AMMECR1L: variants seen among roughly 807,000 people sequenced by gnomAD.
The protein encoded by AMMECR1L is AMMECR1-like protein.
In AMMECR1L, 4 loss-of-function variants were observed where a neutral mutation model predicts 36.8. That is an observed-to-expected ratio of 0.11 (90% CI 0.05 to 0.25). The LOEUF is 0.25. AMMECR1L is among the 10% of genes least tolerant of loss of function. The probability of loss-of-function intolerance (pLI) is 1.00; values close to 1 mark genes in which losing one functional copy is unlikely to be tolerated. For missense variants in AMMECR1L, 232 were observed against 392.1 expected (o/e 0.59, Z 3.45); for synonymous variants, 147 against 148.0 (o/e 0.99, Z 0.05).
At chr2:127,883,754 T>G (rs566657476) in intron 2 of AMMECR1L, among the ~76,000 whole-genome samples, 2 of 152,372 alleles carry the variant, frequency 1.3e-5, no homozygotes, top group South Asian at 4.1e-4. Context: ...AGAAAATATC[T>G]TCACTATTGC....
At chr2:127,867,839 G>C (rs1021456890) in intron 6 of AMMECR1L, among the ~76,000 whole-genome samples, 2 of 152,180 alleles carry the variant, frequency 1.3e-5, no homozygotes, top group African/African-American at 4.8e-5. Context: ...AGGAAGGGCA[G>C]ACAAGTTGCT....
At chr2:127,879,659 T>C (rs186285202) in intron 2 of AMMECR1L, among the ~76,000 whole-genome samples, 37 of 152,298 alleles carry the variant, frequency 2.4e-4, no homozygotes, top group African/African-American at 7.9e-4. Flanking sequence ...ACAAATTTCA[T>C]CGAAATTTTC....
Position 127,863,747 on chromosome 2 carries a change from A to T in AMMECR1L, c.*1347T>A, listed in dbSNP as rs1690565281. On this transcript the variant is annotated 3_prime_UTR_variant, in exon 8 of 8. Coordinates refer to ENST00000272647, the MANE Select transcript of AMMECR1L (RefSeq NM_001199140.2). ...TGAATCATTTTAGCAGTGCCTTTGT[A>T]ACAATATTTTCAAAGCATCTTCCAA... 2.0e-5 allele frequency: 3 copies of T among 152,676 alleles called. No homozygotes were observed. The highest frequency in any genetic ancestry group is 6.5e-5 in the Admixed American group (1 of 15,286). 9.5% of individuals were successfully genotyped at this position (152,676 alleles called of 1,614,324 possible).
chr2:127,872,688 A>G (rs554479469), intron 3 of AMMECR1L, among the ~76,000 whole-genome samples: 98 of 152,298 alleles, frequency 6.4e-4, no homozygotes, highest in Admixed American at 1.4e-3. Context: ...CCTTCAAGAC[A>G]AGGCCTCCAT....
In AMMECR1L at chr2:127,871,259, T is replaced by A; in HGVS notation, c.508A>T (p.Thr170Ser). 1 of 1,614,138 alleles carries A rather than the reference T, an allele frequency of 6.2e-7. No individual in the cohort carries two copies. Among genetic ancestry groups the A allele is most frequent in the Non-Finnish European group, 8.5e-7 (1 of 1,180,014 alleles). ...GTCTGGTGTCATTACCTGGTTAACG[T>A]GTATTCCCTGAGTCCTGAATGAAGA... is the stretch of plus-strand genomic sequence containing the variant. The part of the protein sequence containing the change: ...MNLHSGLREY[T>S]LTSALKDSRF... The change falls in exon 4 of 8, where the codon ACG becomes TCG. Residue 170 changes from threonine (T) to serine (S), a missense_variant. Transcript: ENST00000272647. This position sits in a 1 kb window ranked among gnomAD's most constrained non-coding sequence, Gnocchi z 4.3.
intron 2 of AMMECR1L, among the ~76,000 whole-genome samples, chr2:127,879,223 G>T (rs1484871819): frequency 6.6e-6 from 1 of 152,192 alleles, no homozygotes; most frequent in Non-Finnish European, 1.5e-5. Context: ...TTAGCTGTGG[G>T]GCCTGGTGGG....
chr2:127,869,329 G>A lies in AMMECR1L; in HGVS notation c.724+125C>T. 1.1e-6 allele frequency: 1 copy of A among 883,140 alleles called. No individual in the cohort carries two copies. The highest frequency in any genetic ancestry group is 1.8e-6 in the Non-Finnish European group (1 of 548,674). 54.7% of individuals were successfully genotyped at this position (883,140 alleles called of 1,614,324 possible). On this transcript the variant is annotated intron_variant, in intron 6 of 7. Transcript: ENST00000272647. This position sits in a 1 kb window ranked among gnomAD's most constrained non-coding sequence, Gnocchi z 4.7. ...TCTATAGGAATTTGACAGGTATTAA[G>A]AGGCAGAAAGGCCCTCATTCTCAGC...
intron 6 of AMMECR1L, 134 bp from the exon 7 acceptor site, chr2:127,867,130 C>G: frequency 6.7e-7 from 1 of 1,489,712 alleles, no homozygotes; most frequent in Non-Finnish European, 8.9e-7. Context: ...GCCCTGGGCA[C>G]TGACCCCCAC....
At position 127,885,902 on chromosome 2, in the gene AMMECR1L, G is replaced by A. The variant is rs1434812078; in HGVS notation, c.-241C>T. 1 of 986,278 alleles carries A rather than the reference G, an allele frequency of 1.0e-6. No individual in the cohort carries two copies. The highest frequency in any genetic ancestry group is 6.2e-5 in the Admixed American group (1 of 16,226). 61.1% of individuals were successfully genotyped at this position (986,278 alleles called of 1,614,324 possible). ...TCATGGAGCCATGCGCCTGGGTGGG[G>A]GCTCCCGAGAGAAGCTGGCCTGCGG... On this transcript the variant is annotated 5_prime_UTR_variant, in exon 1 of 8. Transcript: ENST00000272647.
At position 127,873,006 on chromosome 2, in the gene AMMECR1L, A is replaced by G; in HGVS notation, c.407+822T>C. On this transcript the variant is annotated intron_variant, in intron 3 of 7. Transcript: ENST00000272647. This position sits in a 1 kb window ranked among gnomAD's most constrained non-coding sequence, Gnocchi z 5.2. ...CCAACCTGACAGGCCTCCCAAGGGA[A>G]GAGGCTCCTTTTCTTCACACCCTCT... The G allele has an allele frequency of 7.1e-6, 7 of 985,390 alleles. No individual in the cohort carries two copies. Among genetic ancestry groups the G allele is most frequent in the Non-Finnish European group, 7.2e-6 (6 of 829,920 alleles). The allele number at this position is 985,390 out of a possible 1,614,324, so 61.0% of individuals were successfully genotyped here. A position where few individuals can be genotyped will look rare whatever the true frequency, so the allele number is the denominator to read the frequency against.
chr2:127,871,772 C>T lies in AMMECR1L; in HGVS notation c.408-413G>A, dbSNP rs1178964300. On this transcript the variant is annotated intron_variant, in intron 3 of 7. Transcript: ENST00000272647. The surrounding 1 kb of genome is among the most constrained non-coding windows in gnomAD (Gnocchi z 4.3). ...ATGACACGCCTCACCTGCACAGCCC[C>T]GTTCATCTGCAAACCCATGTTGCTT... is the stretch of plus-strand genomic sequence containing the variant. Among the ~76,000 whole-genome samples, 2 of 152,164 alleles carry T rather than the reference C, an allele frequency of 1.3e-5. No homozygotes were observed. Among genetic ancestry groups the T allele is most frequent in the African/African-American group, 2.4e-5 (1 of 41,428 alleles).
At chr2:127,881,485 AG>A (rs1217095893) in intron 2 of AMMECR1L, among the ~76,000 whole-genome samples, 4 of 152,066 alleles carry the variant, frequency 2.6e-5, no homozygotes, top group Non-Finnish European at 4.4e-5. Context: ...GACAGAACCT[AG>A]ATTTTGAGGT....
At chr2:127,868,281 A>C (rs1483533742) in intron 6 of AMMECR1L, among the ~76,000 whole-genome samples, 1 of 152,254 alleles carries the variant, frequency 6.6e-6, no homozygotes, top group Non-Finnish European at 1.5e-5. Context: ...TTCAAATGGC[A>C]AAAGTAATTT....
chr2:127,870,034 T>C (rs1690886920), intron 5 of AMMECR1L, among the ~76,000 whole-genome samples: 1 of 152,140 alleles, frequency 6.6e-6, no homozygotes, highest in Non-Finnish European at 1.5e-5. Context: ...AAAATACAAA[T>C]GGCTGGGCAT....
Position 127,873,747 on chromosome 2 carries a change from G to A in AMMECR1L, c.407+81C>T, listed in dbSNP as rs1691099611. Reference sequence around the variant, plus strand: ...CTCAAATGATAATAAAGACTTCCAAGTAGCAGACCCTCTCAAGAGAATCAC... The same window carrying A: ...CTCAAATGATAATAAAGACTTCCAAATAGCAGACCCTCTCAAGAGAATCAC... On this transcript the variant is annotated intron_variant, in intron 3 of 7. Transcript: ENST00000272647. This position sits in a 1 kb window ranked among gnomAD's most constrained non-coding sequence, Gnocchi z 5.2. 6.3e-7 allele frequency: 1 copy of A among 1,599,724 alleles called. No homozygotes were observed. The highest frequency in any genetic ancestry group is 8.5e-7 in the Non-Finnish European group (1 of 1,177,064).
rs1302418211 is a variant in AMMECR1L, at chr2:127,861,665, C to G, written c.*3429G>C. ...TTATGATTTATTCTCTACAATACTT[C>G]GTTAAAGTGTTCAATGATTTGCACT... On this transcript the variant is annotated 3_prime_UTR_variant, in exon 8 of 8. Coordinates refer to ENST00000272647, the MANE Select transcript of AMMECR1L (RefSeq NM_001199140.2). The G allele has an allele frequency of 1.3e-5, 2 of 152,152 alleles. No individual in the cohort carries two copies. Among genetic ancestry groups the G allele is most frequent in the African/African-American group, 4.8e-5 (2 of 41,422 alleles). The allele number at this position is 152,152 out of a possible 1,614,324, so 9.4% of individuals were successfully genotyped here.
rs1690996659 is a variant in AMMECR1L at position 127,872,034 on chromosome 2, T to C, written c.408-675A>G. 2.6e-5 allele frequency among the ~76,000 whole-genome samples: 4 copies of C among 151,662 alleles called. No homozygotes were observed. In the East Asian group the frequency reaches 5.8e-4, roughly 22 times the overall value. On this transcript the variant is annotated intron_variant, in intron 3 of 7. Transcript: ENST00000272647. ...CGAAACCCCGCCTCTACTAGAAATA[T>C]AAAAATTGGCTGGGCGTGGTGGCAG...
At chr2:127,877,992 G>A (rs1691325880) in intron 2 of AMMECR1L, among the ~76,000 whole-genome samples, 1 of 152,118 alleles carries the variant, frequency 6.6e-6, no homozygotes, top group Non-Finnish European at 1.5e-5. Flanking sequence ...CCAGGAGGTT[G>A]AGGCTGCAGT....
intron 1 of AMMECR1L, chr2:127,884,736 A>G (rs1163260003): frequency 6.6e-6 from 1 of 152,312 alleles, no homozygotes; most frequent in Admixed American, 6.5e-5. Context: ...GAATTACTGG[A>G]CAGCACGCCA....
Sources: gnomAD v4.1 joint callset for allele counts (sites outside exome capture counted in the v4.1 genomes callset) on GRCh38, gnomAD v4.1.1 for gene constraint, Gnocchi (gnomAD v3.1) non-coding constraint, MANE v1.5 for transcripts, NCBI Gene and HGNC (gene_info 2026-07-23, HGNC 2026-07-21) for gene names.